TTC27: variants seen among roughly 807,000 people sequenced by gnomAD.
The protein encoded by TTC27 is tetratricopeptide repeat domain 27, also known as tetratricopeptide repeat protein 27.
In TTC27, 79 loss-of-function variants were observed where a neutral mutation model predicts 115.9. That is an observed-to-expected ratio of 0.68 (90% CI 0.57 to 0.82). The LOEUF (loss-of-function observed/expected upper bound fraction) is 0.82, where lower values mean the gene tolerates loss of function less well. Among genes scored for constraint, TTC27 ranks in the 40% least tolerant of loss-of-function variants. TTC27 has a pLI of 0.00. For synonymous variants in TTC27, 401 were observed against 356.0 expected, an observed-to-expected ratio of 1.13 and a Z score of -1.42; for missense variants, 1,054 against 993.1, an observed-to-expected ratio of 1.06 and a Z score of -0.82.
intron 13 of TTC27, among the ~76,000 whole-genome samples, chr2:32,772,720 A>G (rs571480531): frequency 6.6e-6 from 1 of 152,336 alleles, no homozygotes; most frequent in African/African-American, 2.4e-5. Flanking sequence ...TTTTCAATTT[A>G]TGATGGATTT....
chr2:32,680,019 AAAG>A (rs1666363550), intron 9 of TTC27, among the ~76,000 whole-genome samples: 1 of 152,086 alleles, frequency 6.6e-6, no homozygotes, highest in Non-Finnish European at 1.5e-5. Flanking sequence ...CAAAACAAAA[AAAG>A]CTAGCTTATT....
At chr2:32,761,510 A>G (rs903472122) in intron 13 of TTC27, among the ~76,000 whole-genome samples, 1 of 152,018 alleles carries the variant, frequency 6.6e-6, no homozygotes, top group Non-Finnish European at 1.5e-5. Flanking sequence ...CCCAGTATCT[A>G]GCTCCCGGCA....
chr2:32,741,177 C>T (rs979208012), intron 12 of TTC27, among the ~76,000 whole-genome samples: 3 of 152,196 alleles, frequency 2.0e-5, no homozygotes, highest in Non-Finnish European at 4.4e-5. Context: ...CAGCTAACTG[C>T]TACTTATTCT....
intron 13 of TTC27, among the ~76,000 whole-genome samples, chr2:32,772,747 A>T (rs533755371): frequency 6.6e-6 from 1 of 152,198 alleles, no homozygotes; most frequent in African/African-American, 2.4e-5. Flanking sequence ...ACATAACCCT[A>T]TAAGTTGAAG....
chr2:32,745,020 C>G (rs1668769595), intron 12 of TTC27, among the ~76,000 whole-genome samples: 1 of 137,914 alleles, frequency 7.3e-6, no homozygotes, highest in African/African-American at 2.8e-5. Flanking sequence ...TGCACTCCAG[C>G]CTGCCAGCCT....
intron 5 of TTC27, among the ~76,000 whole-genome samples, chr2:32,652,156 G>C (rs944131771): frequency 6.6e-6 from 1 of 152,108 alleles, no homozygotes; most frequent in South Asian, 2.1e-4. Context: ...GGTAGATCAC[G>C]AGGTCAGGAG....
In TTC27 at chr2:32,770,550, G is replaced by A. The variant is rs912201817; in HGVS notation, c.1681-7332G>A. On this transcript the variant is annotated intron_variant, in intron 13 of 19. Transcript: ENST00000317907. ...TTTCATCCTTTAATGAAGAGCCATC[G>A]GGGCTTTCATCAGAAGCAAAGTGAG... 4.6e-5 allele frequency among the ~76,000 whole-genome samples: 7 copies of A among 152,176 alleles called. No homozygotes were observed. In the East Asian group the frequency reaches 5.8e-4, roughly 13 times the overall value.
intron 3 of TTC27, among the ~76,000 whole-genome samples, chr2:32,634,926 G>A (rs998129327): frequency 6.6e-6 from 1 of 152,112 alleles, no homozygotes; most frequent in African/African-American, 2.4e-5. Context: ...CAAAGTGCTG[G>A]GTTTACAGGC....
chr2:32,692,944 C>A (rs772224386), intron 9 of TTC27, among the ~76,000 whole-genome samples: 1 of 151,330 alleles, frequency 6.6e-6, no homozygotes, highest in Non-Finnish European at 1.5e-5. Flanking sequence ...CTACTGTACT[C>A]CAGCCTGGGT....
chr2:32,695,718 CAAAAAAAAAAAAAAAA>C (rs66677186), intron 9 of TTC27, among the ~76,000 whole-genome samples: 4 of 29,730 alleles, frequency 1.3e-4, no homozygotes, highest in Admixed American at 6.7e-4. Flanking sequence ...GGCTCTATCT[CAAAAAAAAAAAAAAAA>C]AAAAAAAAAA....
intron 1 of TTC27, among the ~76,000 whole-genome samples, 168 bp downstream of exon 1, chr2:32,628,548 T>G (rs2063529957): frequency 1.3e-5 from 2 of 152,148 alleles, no homozygotes; most frequent in African/African-American, 4.8e-5. Flanking sequence ...GTCCTCACTT[T>G]CTTTGCGCAA....
intron 12 of TTC27, among the ~76,000 whole-genome samples, chr2:32,743,410 C>A (rs1488205289): frequency 6.6e-6 from 1 of 152,140 alleles, no homozygotes; most frequent in Non-Finnish European, 1.5e-5. Context: ...AGGCTTCATC[C>A]CTGACAGAGT....
At chr2:32,793,753 C>A (rs1670612103) in intron 16 of TTC27, among the ~76,000 whole-genome samples, 1 of 152,134 alleles carries the variant, frequency 6.6e-6, no homozygotes, top group African/African-American at 2.4e-5. Flanking sequence ...GAACTCCTGA[C>A]CTCAGGTGAG....
intron 12 of TTC27, among the ~76,000 whole-genome samples, chr2:32,754,098 A>T (rs905896807): frequency 6.7e-6 from 1 of 148,768 alleles, no homozygotes; most frequent in African/African-American, 2.5e-5. Context: ...AATAAAAAAT[A>T]AAAATAAATA....
At chr2:32,684,181 T>G (rs1211351265) in intron 9 of TTC27, among the ~76,000 whole-genome samples, 1 of 152,092 alleles carries the variant, frequency 6.6e-6, no homozygotes, top group East Asian at 1.9e-4. Context: ...TTTGTTTGGT[T>G]TTTTGTTCTT....
At chr2:32,663,803 G>C (rs1278329202) in intron 5 of TTC27, among the ~76,000 whole-genome samples, 2 of 152,094 alleles carry the variant, frequency 1.3e-5, no homozygotes, top group Non-Finnish European at 2.9e-5. Context: ...TCCTGCCTCA[G>C]CCTCCTGAGT....
chr2:32,682,466 C>A (rs1294905622), intron 9 of TTC27, among the ~76,000 whole-genome samples: 1 of 152,126 alleles, frequency 6.6e-6, no homozygotes, highest in Middle Eastern at 3.4e-3. Flanking sequence ...TTCAAGCAGG[C>A]TAAATGGATA....
intron 13 of TTC27, among the ~76,000 whole-genome samples, chr2:32,772,067 A>T (rs914861561): frequency 6.6e-6 from 1 of 152,220 alleles, no homozygotes; most frequent in African/African-American, 2.4e-5. Context: ...AGTGGTACCC[A>T]TTGCAGATGT....
At chr2:32,688,036 A>G (rs984491250) in intron 9 of TTC27, among the ~76,000 whole-genome samples, 1 of 152,198 alleles carries the variant, frequency 6.6e-6, no homozygotes, top group Non-Finnish European at 1.5e-5. Flanking sequence ...ATACTGGGAC[A>G]TAAAACAAAT....
Sources: allele counts gnomAD v4.1 joint callset (sites outside exome capture counted in the v4.1 genomes callset), GRCh38; gene constraint gnomAD v4.1.1; transcripts MANE v1.5; gene names NCBI Gene and HGNC (gene_info 2026-07-23, HGNC 2026-07-21).